The following CENPP variants were observed in gnomAD, a reference collection of about 807,000 sequenced individuals.
The protein encoded by CENPP is centromere protein P.
Under a neutral mutation model 35.6 loss-of-function variants are expected in CENPP, and 24 were observed. The ratio of observed to expected loss-of-function variants is 0.67; its 90% CI spans 0.49 to 0.95. The LOEUF is 0.95. CENPP is among the 40% of genes least tolerant of loss of function. The probability of loss-of-function intolerance (pLI) is 0.00; values close to 1 mark genes in which losing one functional copy is unlikely to be tolerated. For synonymous variants in CENPP, 120 were observed against 125.5 expected (o/e 0.96, Z 0.29); for missense variants, 332 against 345.3 (o/e 0.96, Z 0.31).
chr9:92,500,621 A>ATT, intron 5 of CENPP: 1 of 1,164,754 alleles, frequency 8.6e-7, no homozygotes, highest in South Asian at 1.6e-5. Flanking sequence ...CCTTAGCACC[A>ATT]TTTTTTTTTC....
chr9:92,423,714 A>G (rs1843882470), intron 5 of CENPP, among the ~76,000 whole-genome samples: 1 of 152,116 alleles, frequency 6.6e-6, no homozygotes, highest in Admixed American at 6.5e-5. Flanking sequence ...AAGTAAATGA[A>G]AAGAAAAACA....
At chr9:92,531,142 G>A (rs996144907) in intron 5 of CENPP, among the ~76,000 whole-genome samples, 2 of 152,022 alleles carry the variant, frequency 1.3e-5, no homozygotes, top group Admixed American at 6.6e-5. Flanking sequence ...TTTAATGTTT[G>A]AATTGAAATA....
At chr9:92,396,476 G>A (rs560941127) in intron 5 of CENPP, among the ~76,000 whole-genome samples, 56 of 151,748 alleles carry the variant, frequency 3.7e-4, no homozygotes, top group African/African-American at 9.9e-4. Flanking sequence ...TCTAGACCTC[G>A]AACATAATAC....
At chr9:92,403,380 G>A (rs372678687) in intron 5 of CENPP, 17 of 1,612,652 alleles carry the variant, frequency 1.1e-5, no homozygotes, top group African/African-American at 4.0e-5. Flanking sequence ...AGCAGTAACA[G>A]GAGAAGTGTA....
rs576083679 is a variant in CENPP, at chr9:92,435,422, A to C, written c.564+55563A>C. ...TACAGAAAGAAACCGTGTACCCTTTACCCAGTTTCCCCTAATGATAACATC... is the reference window on the plus strand; with the variant it reads ...TACAGAAAGAAACCGTGTACCCTTTCCCCAGTTTCCCCTAATGATAACATC... On this transcript the variant is annotated intron_variant, in intron 5 of 7. Coordinates refer to ENST00000375587, the MANE Select transcript of CENPP (RefSeq NM_001012267.3). 1.0e-3 allele frequency among the ~76,000 whole-genome samples: 153 copies of C among 152,304 alleles called. 1 individual carries two copies. Among genetic ancestry groups the C allele is most frequent in the Middle Eastern group, 3.4e-3 (1 of 294 alleles).
At chr9:92,445,975 G>A (rs1281037711) in intron 5 of CENPP, among the ~76,000 whole-genome samples, 2 of 152,038 alleles carry the variant, frequency 1.3e-5, no homozygotes, top group African/African-American at 4.8e-5. Flanking sequence ...AACTGAGTGA[G>A]AAGTATACAG....
chr9:92,573,294 CTGTT>C (rs906694613), intron 5 of CENPP, among the ~76,000 whole-genome samples: 19 of 152,238 alleles, frequency 1.2e-4, no homozygotes, highest in African/African-American at 4.6e-4. Flanking sequence ...GATGTCCTTT[CTGTT>C]TGTTAGTTTT....
At chr9:92,372,059 A>AG (rs1274406344) in intron 4 of CENPP, among the ~76,000 whole-genome samples, 4 of 147,004 alleles carry the variant, frequency 2.7e-5, no homozygotes. Context: ...AAAAAAAAAA[A>AG]AGTGCTGGGA....
At chr9:92,375,297 T>C (rs141979176) in intron 4 of CENPP, among the ~76,000 whole-genome samples, 162 of 152,086 alleles carry the variant, frequency 1.1e-3, no homozygotes, top group Non-Finnish European at 1.9e-3. Flanking sequence ...TTTTTACTGA[T>C]TCTTTTTTTT....
In CENPP at chr9:92,443,667, T is replaced by G. The variant is rs117714366; in HGVS notation, c.564+63808T>G. 8.0e-4 allele frequency among the ~76,000 whole-genome samples: 122 copies of G among 152,214 alleles called. 1 individual carries two copies. The East Asian group carries it at 0.021, about 26-fold the overall frequency. On this transcript the variant is annotated intron_variant, in intron 5 of 7. Transcript: ENST00000375587. ...CTTAGTATGTTACAAAGTTTTTTTT[T>G]TTTGTTTTTTGAGACAGAGTTTTGC...
chr9:92,559,042 G>A (rs1302957847), intron 5 of CENPP, among the ~76,000 whole-genome samples: 1 of 152,068 alleles, frequency 6.6e-6, no homozygotes, highest in South Asian at 2.1e-4. Context: ...AAACTTACCC[G>A]AGGCTGTCCA....
intron 4 of CENPP, among the ~76,000 whole-genome samples, chr9:92,347,224 A>G (rs1326231621): frequency 6.6e-6 from 1 of 152,226 alleles, no homozygotes; most frequent in Non-Finnish European, 1.5e-5. Flanking sequence ...TAGGGAGAAT[A>G]CCAAGAATGT....
intron 4 of CENPP, among the ~76,000 whole-genome samples, chr9:92,372,391 G>A (rs148910972): frequency 2.6e-5 from 4 of 152,008 alleles, no homozygotes; most frequent in African/African-American, 9.6e-5. Flanking sequence ...CTTTGTTCCT[G>A]TCATACTGTT....
rs768678645 is a variant in CENPP, at chr9:92,611,387, G to A, written c.638G>A (p.Arg213Gln). ...SCSMGIRSASRPGFELVIVWR... is the reference protein window; with the variant it reads ...SCSMGIRSASQPGFELVIVWR... Reference sequence around the variant, plus strand: ...TCCATGGGGATCCGCAGCGCCAGCCGGCCAGGGTGAGCCTGCACAGGCCAT... The same window carrying A: ...TCCATGGGGATCCGCAGCGCCAGCCAGCCAGGGTGAGCCTGCACAGGCCAT... The change falls in exon 6 of 8, where the codon CGG (arginine) becomes CAG (glutamine). Residue 213 changes from arginine to glutamine, a missense_variant. Arg to Gln is a conservative substitution (Grantham distance 43, BLOSUM62 1). Transcript: ENST00000375587. The A allele has an allele frequency of 1.4e-4, 218 of 1,612,600 alleles. No individual in the cohort carries two copies. The highest frequency in any genetic ancestry group is 1.8e-4 in the Non-Finnish European group (213 of 1,179,794).
chr9:92,447,661 T>C (rs1844588101), intron 5 of CENPP, among the ~76,000 whole-genome samples: 1 of 152,088 alleles, frequency 6.6e-6, no homozygotes. Context: ...TTTCACATAT[T>C]CCAACAAGAA....
chr9:92,613,142 A>G lies in CENPP; in HGVS notation c.860A>G (p.Asn287Ser). 6.2e-7 allele frequency: 1 copy of G among 1,614,204 alleles called. No homozygotes were observed. The highest frequency in any genetic ancestry group is 8.5e-7 in the Non-Finnish European group (1 of 1,180,028). Residue 287 changes from asparagine (N) to serine (S), a missense_variant, in exon 8 of 8, where the codon AAC becomes AGC. Physicochemically the swap from Asn to Ser is conservative, Grantham distance 46 (BLOSUM62 1). Transcript: ENST00000375587. ...ATAAAATCGCTTTGTGCAGAGGAGAACAACTAGTTCCAAAACAGTGAACGT... is the reference window on the plus strand; with the variant it reads ...ATAAAATCGCTTTGTGCAGAGGAGAGCAACTAGTTCCAAAACAGTGAACGT... ...SLIKSLCAEE[N>S]N is the part of the protein sequence containing the mutation.
chr9:92,391,969 A>G (rs1467252797), intron 5 of CENPP, among the ~76,000 whole-genome samples: 1 of 152,064 alleles, frequency 6.6e-6, no homozygotes, highest in Non-Finnish European at 1.5e-5. Context: ...GAACCTGGTT[A>G]TGGTTAGTCT....
chr9:92,375,291 T>C (rs1384801403), intron 4 of CENPP, among the ~76,000 whole-genome samples: 1 of 152,126 alleles, frequency 6.6e-6, no homozygotes, highest in African/African-American at 2.4e-5. Flanking sequence ...TATTCATTTT[T>C]ACTGATTCTT....
intron 6 of CENPP, 71 bp from the exon 7 acceptor site, chr9:92,612,452 C>A: frequency 8.4e-7 from 1 of 1,197,010 alleles, no homozygotes. Flanking sequence ...AGACCAGGTG[C>A]GACTCATGGT....
Sources: allele counts gnomAD v4.1 joint callset (sites outside exome capture counted in the v4.1 genomes callset), GRCh38; gene constraint gnomAD v4.1.1; transcripts MANE v1.5; gene names NCBI Gene and HGNC (gene_info 2026-07-23, HGNC 2026-07-21).